ZNF563: variants seen among roughly 807,000 people sequenced by gnomAD.
ZNF563 encodes zinc finger protein 563.
In ZNF563, 39 loss-of-function variants were observed where a neutral mutation model predicts 48.5. The observed-to-expected ratio is 0.80, with a 90% confidence interval of 0.62 to 1.05. ZNF563 has a LOEUF of 1.05. Among genes scored for constraint, ZNF563 ranks in the 50% least tolerant of loss-of-function variants. The probability of loss-of-function intolerance (pLI) is 0.00; values close to 1 mark genes in which losing one functional copy is unlikely to be tolerated. For missense variants in ZNF563, 538 were observed against 597.0 expected (o/e 0.90, Z 1.03); for synonymous variants, 168 against 187.9 (o/e 0.89, Z 0.87).
chr19:12,323,909 C>T lies in ZNF563; in HGVS notation c.4-1198G>A, dbSNP rs1968701403. On this transcript the variant is annotated intron_variant, in intron 1 of 3. Transcript: ENST00000293725. ...AAATAATAAAAGATATTTCACCATC[C>T]CAATGGAAAATTTTTGAACATCTTA... 3.3e-5 allele frequency among the ~76,000 whole-genome samples: 5 copies of T among 152,032 alleles called. No individual in the cohort carries two copies. The South Asian group carries it at 8.3e-4, about 25-fold the overall frequency.
chr19:12,337,209 C>T (rs74848019), upstream of ZNF563, among the ~76,000 whole-genome samples: 1,100 of 151,572 alleles, frequency 7.3e-3, 22 homozygotes, highest in African/African-American at 0.026. Flanking sequence ...GCTTATTTCT[C>T]TCTTTTTTTT....
In ZNF563 at chr19:12,319,331, T is replaced by C; in HGVS notation, c.694A>G (p.Lys232Glu). ...EKPYECKQCS[K>E]AFPFYSSYRR... ...TAGGAACTGTAAAAAGGAAAGGCTT[T>C]AGAACACTGCTTACATTCATACGGT... is the stretch of plus-strand genomic sequence containing the variant. Residue 232 changes from lysine to glutamate, a missense_variant, in exon 4 of 4, where the codon AAA (lysine) becomes GAA (glutamate). Physicochemically the swap from Lys to Glu is moderately conservative, Grantham distance 56. Transcript: ENST00000293725. 2.5e-6 allele frequency: 4 copies of C among 1,614,218 alleles called. No homozygotes were observed. Among genetic ancestry groups the C allele is most frequent in the South Asian group, 2.2e-5 (2 of 91,086 alleles).
intron 1 of ZNF563, among the ~76,000 whole-genome samples, chr19:12,327,498 G>A (rs1458304823): frequency 6.6e-6 from 1 of 150,700 alleles, no homozygotes; most frequent in Non-Finnish European, 1.5e-5. Flanking sequence ...AAAAAAAGAG[G>A]TAGTTGAAAA....
At chr19:12,337,397 T>C (rs985911279), upstream of ZNF563, among the ~76,000 whole-genome samples, 6 of 151,896 alleles carry the variant, frequency 4.0e-5, no homozygotes, top group African/African-American at 1.5e-4. Flanking sequence ...AAAGATAGGG[T>C]TTCACCACGT....
intron 1 of ZNF563, among the ~76,000 whole-genome samples, chr19:12,329,534 T>A (rs1340791038): frequency 6.8e-6 from 1 of 146,814 alleles, no homozygotes; most frequent in African/African-American, 2.5e-5. Context: ...TCTGAAAAGA[T>A]CTGTAAAACT....
At chr19:12,344,448 C>T in the ZNF563 span, among the ~76,000 whole-genome samples, 44 of 150,110 alleles carry the variant, frequency 2.9e-4, no homozygotes, top group South Asian at 1.3e-3. Context: ...ACCACATTAA[C>T]GAAGAAAAGG....
chr19:12,340,859 T>G, the ZNF563 span, among the ~76,000 whole-genome samples: 1 of 151,584 alleles, frequency 6.6e-6, no homozygotes, highest in Admixed American at 6.6e-5. Flanking sequence ...CTTGCCCACA[T>G]GAAAAAACTG....
the ZNF563 span, among the ~76,000 whole-genome samples, chr19:12,342,620 A>T: frequency 3.3e-3 from 503 of 151,798 alleles, 3 homozygotes; most frequent in Admixed American, 5.0e-3. Context: ...AAAAAAAATT[A>T]AAAAATCAGC....
chr19:12,333,566 A>T lies in ZNF563; in HGVS notation c.-84T>A. ...CCCACTGTGACAGAGGCTGCCACAG[A>T]CGTTCCAGGGCGTCTCTCAGCGACT... On this transcript the variant is annotated 5_prime_UTR_variant, in exon 1 of 4. Coordinates refer to ENST00000293725, the MANE Select transcript of ZNF563 (RefSeq NM_145276.3). 6.3e-7 allele frequency: 1 copy of T among 1,575,282 alleles called. No individual in the cohort carries two copies. Among genetic ancestry groups the T allele is most frequent in the Non-Finnish European group, 8.7e-7 (1 of 1,152,104 alleles).
chr19:12,339,337 T>C, the ZNF563 span, among the ~76,000 whole-genome samples: 2 of 141,286 alleles, frequency 1.4e-5, no homozygotes. Context: ...TGGAGTACAA[T>C]GGCGTGATCT....
rs45522031 is a variant in ZNF563, at chr19:12,319,698, T to C, written c.327A>G (p.Glu109=). 1.7e-4 allele frequency: 281 copies of C among 1,614,174 alleles called. No individual in the cohort carries two copies. Among genetic ancestry groups the C allele is most frequent in the Non-Finnish European group, 2.2e-4 (261 of 1,180,042 alleles). Residue 109 remains glutamate (E), a synonymous_variant, in exon 4 of 4, where the codon GAA becomes GAG. Transcript: ENST00000293725. ...GEDPCQSAEC[E]EVIMGHLSLN... is the part of the protein sequence containing the mutation. ...GGGATAAATGACCCATTATGACTTC[T>C]TCACACTCAGCGCTTTGACATGGAT...
chr19:12,333,540 T>C lies in ZNF563; in HGVS notation c.-58A>G. The C allele has an allele frequency of 6.2e-7, 1 of 1,609,540 alleles. No individual in the cohort carries two copies. The highest frequency in any genetic ancestry group is 1.1e-5 in the South Asian group (1 of 90,488). On this transcript the variant is annotated 5_prime_UTR_variant, in exon 1 of 4. Transcript: ENST00000293725. ...CTCTGCCTCCCGCTGCCAGTGCGGG[T>C]CCCACTGTGACAGAGGCTGCCACAG...
chr19:12,318,419 A>T lies in ZNF563; in HGVS notation c.*175T>A. ...TTAAAAAAAAATCGATCACTTTCCC[A>T]CATTCCTTATATCATACAGCATCTC... On this transcript the variant is annotated 3_prime_UTR_variant, in exon 4 of 4. Transcript: ENST00000293725. 1.3e-6 allele frequency: 1 copy of T among 764,060 alleles called. No individual in the cohort carries two copies. The highest frequency in any genetic ancestry group is 2.0e-6 in the Non-Finnish European group (1 of 490,742). The allele number at this position is 764,060 out of a possible 1,614,324, so 47.3% of individuals were successfully genotyped here. A position where few individuals can be genotyped will look rare whatever the true frequency, so the allele number is the denominator to read the frequency against.
chr19:12,318,653 A>C lies in ZNF563; in HGVS notation c.1372T>G (p.Phe458Val). ...CTTTGACATACACTGGGATAAACAAAGGCTTTCCCACATACCTTGCATTTA... is the reference window on the plus strand; with the variant it reads ...CTTTGACATACACTGGGATAAACAACGGCTTTCCCACATACCTTGCATTTA... ...PNKCKVCGKAFVYPSVCQRHE... is the reference protein window; with the variant it reads ...PNKCKVCGKAVVYPSVCQRHE... Residue 458 changes from phenylalanine (F) to valine (V), a missense_variant, in exon 4 of 4, where the codon TTT becomes GTT. Transcript: ENST00000293725. 1 of 1,614,206 alleles carries C rather than the reference A, an allele frequency of 6.2e-7. No homozygotes were observed.
chr19:12,343,592 C>T, the ZNF563 span, among the ~76,000 whole-genome samples: 1 of 151,878 alleles, frequency 6.6e-6, no homozygotes, highest in African/African-American at 2.4e-5. Context: ...TTTGTGGAAA[C>T]AAAATGGAAG....
At chr19:12,335,968 A>C (rs1969016309), upstream of ZNF563, among the ~76,000 whole-genome samples, 2 of 152,214 alleles carry the variant, frequency 1.3e-5, no homozygotes, top group African/African-American at 2.4e-5. Flanking sequence ...TCAGCAAAAC[A>C]TCAGAGGGCA....
intron 1 of ZNF563, among the ~76,000 whole-genome samples, chr19:12,327,572 A>G (rs1318426646): frequency 6.6e-6 from 1 of 152,160 alleles, no homozygotes; most frequent in African/African-American, 2.4e-5. Context: ...AATTATGTCA[A>G]TTACTACATT....
upstream of ZNF563, among the ~76,000 whole-genome samples, chr19:12,336,580 A>T (rs1312118128): frequency 6.6e-6 from 1 of 152,234 alleles, no homozygotes; most frequent in Non-Finnish European, 1.5e-5. Context: ...CGACAGAGCG[A>T]GACTCCGTCT....
the ZNF563 span, among the ~76,000 whole-genome samples, chr19:12,341,796 A>T: frequency 6.6e-6 from 1 of 152,202 alleles, no homozygotes; most frequent in Admixed American, 6.5e-5. Flanking sequence ...GAATGGATAG[A>T]ATAATCAGAT....
Sources: allele counts gnomAD v4.1 joint callset (sites outside exome capture counted in the v4.1 genomes callset), GRCh38; gene constraint gnomAD v4.1.1; transcripts MANE v1.5; gene names NCBI Gene and HGNC (gene_info 2026-07-23, HGNC 2026-07-21).